The following SORCS2 variants were observed in gnomAD, a reference collection of about 807,000 sequenced individuals.
The protein encoded by SORCS2 is sortilin related VPS10 domain containing receptor 2.
Under a neutral mutation model 141.6 loss-of-function variants are expected in SORCS2, and 100 were observed. That is an observed-to-expected ratio of 0.71 (90% CI 0.60 to 0.83). The LOEUF (loss-of-function observed/expected upper bound fraction) is 0.83, where lower values mean the gene tolerates loss of function less well. Among genes scored for constraint, SORCS2 ranks in the 40% least tolerant of loss-of-function variants. SORCS2 has a pLI of 0.00. For synonymous variants in SORCS2, 789 were observed against 676.9 expected (o/e 1.17, Z -2.57); for missense variants, 1,646 against 1,560.2 (o/e 1.05, Z -0.93).
At chr4:7,521,518 G>T (rs1486139917) in intron 2 of SORCS2, among the ~76,000 whole-genome samples, 1 of 152,160 alleles carries the variant, frequency 6.6e-6, no homozygotes, top group Non-Finnish European at 1.5e-5. Flanking sequence ...ATCCTGGGAG[G>T]GTTTGTTAGA....
intron 10 of SORCS2, among the ~76,000 whole-genome samples, chr4:7,687,456 C>G (rs1723950123): frequency 6.6e-6 from 1 of 152,198 alleles, no homozygotes; most frequent in South Asian, 2.1e-4. Context: ...CGGGCAACGT[C>G]TTAACACCTC....
At chr4:7,475,272 A>C (rs1399572542) in intron 2 of SORCS2, among the ~76,000 whole-genome samples, 1 of 152,100 alleles carries the variant, frequency 6.6e-6, no homozygotes, top group Non-Finnish European at 1.5e-5. Flanking sequence ...CAGGCCAAGG[A>C]GTGGCAACAG....
At chr4:7,492,771 C>G (rs4308363) in intron 2 of SORCS2, among the ~76,000 whole-genome samples, 137,632 of 152,266 alleles carry the variant, frequency 0.9, 62,680 homozygotes, top group Non-Finnish European at 0.95. Flanking sequence ...AAGTCAAAAT[C>G]CTTTCTTCTT....
intron 2 of SORCS2, among the ~76,000 whole-genome samples, chr4:7,456,489 C>G (rs116145528): frequency 4.8e-4 from 73 of 151,024 alleles, no homozygotes; most frequent in African/African-American, 1.7e-3. Flanking sequence ...AGGGGGGGGG[C>G]CTCCTTTTGA....
At chr4:7,215,709 T>C (rs1284182313) in intron 1 of SORCS2, among the ~76,000 whole-genome samples, 1 of 152,218 alleles carries the variant, frequency 6.6e-6, no homozygotes, top group African/African-American at 2.4e-5. Context: ...ACCCTGTGTC[T>C]AGCTCAGGGT....
At chr4:7,254,343 A>G (rs1183568350) in intron 1 of SORCS2, among the ~76,000 whole-genome samples, 4 of 152,268 alleles carry the variant, frequency 2.6e-5, no homozygotes, top group Admixed American at 1.3e-4. Flanking sequence ...CTGCCATAAA[A>G]AAGTATGAAA....
At chr4:7,326,731 A>C (rs1249296748) in intron 1 of SORCS2, among the ~76,000 whole-genome samples, 1 of 152,220 alleles carries the variant, frequency 6.6e-6, no homozygotes, top group Non-Finnish European at 1.5e-5. Context: ...CAAGCCTGGG[A>C]CAGCGGAGAG....
chr4:7,526,948 C>A (rs1733732229), intron 2 of SORCS2, among the ~76,000 whole-genome samples: 1 of 152,158 alleles, frequency 6.6e-6, no homozygotes, highest in African/African-American at 2.4e-5. Flanking sequence ...ATTTTACATT[C>A]TTTTTAATGC....
chr4:7,614,595 CATCCACCT>C (rs150663059), intron 3 of SORCS2, among the ~76,000 whole-genome samples: 41,497 of 147,250 alleles, frequency 0.28, 6,262 homozygotes, highest in African/African-American at 0.36. Context: ...TCCATCCACC[CATCCACCT>C]ATCCACCTAT....
At chr4:7,412,545 C>T (rs374031675) in intron 2 of SORCS2, among the ~76,000 whole-genome samples, 3 of 152,134 alleles carry the variant, frequency 2.0e-5, no homozygotes, top group East Asian at 3.9e-4. Flanking sequence ...GACAGATGCT[C>T]AGTGGAGATG....
chr4:7,571,591 G>A (rs1187445306), intron 3 of SORCS2, among the ~76,000 whole-genome samples: 2 of 152,208 alleles, frequency 1.3e-5, no homozygotes, highest in African/African-American at 4.8e-5. Context: ...CCTGGAGGAG[G>A]TGACAGTGGG....
chr4:7,532,370 C>A (rs1489753552), intron 3 of SORCS2, among the ~76,000 whole-genome samples: 1 of 152,184 alleles, frequency 6.6e-6, no homozygotes. Flanking sequence ...TGGGATGTCA[C>A]CCACACCTCG....
At chr4:7,552,686 T>G (rs1577737424) in intron 3 of SORCS2, among the ~76,000 whole-genome samples, 1 of 151,970 alleles carries the variant, frequency 6.6e-6, no homozygotes, top group Non-Finnish European at 1.5e-5. Flanking sequence ...CTCAGTGGGG[T>G]GGGCATCTCC....
intron 3 of SORCS2, among the ~76,000 whole-genome samples, chr4:7,624,277 C>A (rs780594579): frequency 6.6e-5 from 10 of 152,146 alleles, no homozygotes; most frequent in Admixed American, 1.3e-4. Context: ...ATTCACGGGC[C>A]TTTCTTATTG....
rs1036152101 is a variant in SORCS2 at position 7,336,709 on chromosome 4, G to A, written c.481-59579G>A. ...TCTAGGGTCCCAGGACCTCCTGTTC[G>A]CATCTTGGTGGAAGCGCCAGTAGCA... On this transcript the variant is annotated intron_variant, in intron 1 of 26. Coordinates refer to ENST00000507866, the MANE Select transcript of SORCS2 (RefSeq NM_020777.3). Among the ~76,000 whole-genome samples the A allele has an allele frequency of 2.7e-5, 4 of 150,300 alleles. 1 individual carries two copies. Among genetic ancestry groups the A allele is most frequent in the Middle Eastern group, 3.2e-3 (1 of 314 alleles).
chr4:7,263,804 C>A (rs557677463), intron 1 of SORCS2, among the ~76,000 whole-genome samples: 23 of 152,314 alleles, frequency 1.5e-4, no homozygotes, highest in African/African-American at 5.5e-4. Flanking sequence ...CAGGGCTGGG[C>A]AAGTGCCTTC....
chr4:7,293,436 AG>A (rs1195456393), intron 1 of SORCS2, among the ~76,000 whole-genome samples: 8 of 152,196 alleles, frequency 5.3e-5, no homozygotes, highest in Non-Finnish European at 1.5e-5. Flanking sequence ...GGCTTTGTAT[AG>A]CAGCCTACAT....
chr4:7,250,258 A>G (rs2108803991), intron 1 of SORCS2, among the ~76,000 whole-genome samples: 1 of 152,196 alleles, frequency 6.6e-6, no homozygotes, highest in Non-Finnish European at 1.5e-5. Context: ...AAAGAAAGAA[A>G]GAAAGAAAGA....
At chr4:7,327,348 G>A (rs964598911) in intron 1 of SORCS2, among the ~76,000 whole-genome samples, 3 of 152,154 alleles carry the variant, frequency 2.0e-5, no homozygotes, top group East Asian at 1.9e-4. Context: ...ACATCCCTCC[G>A]TCTGGCTCTG....
Sources: allele counts gnomAD v4.1 joint callset (sites outside exome capture counted in the v4.1 genomes callset), GRCh38; gene constraint gnomAD v4.1.1; transcripts MANE v1.5; gene names NCBI Gene and HGNC (gene_info 2026-07-23, HGNC 2026-07-21).